Variants in AAK1 observed in about 807,000 individuals in gnomAD.
AAK1 encodes the protein AP2-associated protein kinase 1.
Under a neutral mutation model 116.0 loss-of-function variants are expected in AAK1, and 37 were observed. The ratio of observed to expected loss-of-function variants is 0.32; its 90% CI spans 0.25 to 0.42. The LOEUF is 0.42. Ranked by LOEUF, AAK1 falls within the 10% of genes least tolerant of loss-of-function variation. The pLI is 1.00. For synonymous variants in AAK1, 458 were observed against 439.9 expected, an observed-to-expected ratio of 1.04 and a Z score of -0.51; for missense variants, 919 against 1,170.6, an observed-to-expected ratio of 0.79 and a Z score of 3.14.
Position 69,475,735 on chromosome 2 carries a change from G to T in AAK1, c.*134C>A. On this transcript the variant is annotated 3_prime_UTR_variant, in exon 22 of 22. Transcript: ENST00000409085. ...TTATCATTTCTACAGGAGAAGGCAA[G>T]GGGTAGGAGAAAAGGGCTGGAGGGC... The T allele has an allele frequency of 7.0e-7, 1 of 1,431,184 alleles. No individual in the cohort carries two copies. Among genetic ancestry groups the T allele is most frequent in the Non-Finnish European group, 9.2e-7 (1 of 1,090,364 alleles). The allele number at this position is 1,431,184 out of a possible 1,614,324, so 88.7% of individuals were successfully genotyped here. A position where few individuals can be genotyped will look rare whatever the true frequency, so the allele number is the denominator to read the frequency against.
intron 3 of AAK1, among the ~76,000 whole-genome samples, chr2:69,554,893 T>C (rs1671326935): frequency 6.6e-6 from 1 of 152,218 alleles, no homozygotes; most frequent in South Asian, 2.1e-4. Context: ...ACCTGTGTGA[T>C]TTAACTCTTA....
In AAK1 at chr2:69,626,505, A is replaced by ATT. The variant is rs370781000; in HGVS notation, c.163+16371_163+16372dup. 1.8e-3 allele frequency among the ~76,000 whole-genome samples: 266 copies of ATT among 145,578 alleles called. 2 individuals are homozygous for ATT. The highest frequency in any genetic ancestry group is 6.3e-3 in the African/African-American group (233 of 36,872). ...ATTAAATTAATTAATTATTATTATT[A>ATT]TTATTTTTTTTTGAGACAGGGTCTC... On this transcript the variant is annotated intron_variant, in intron 2 of 21. Transcript: ENST00000409085.
At chr2:69,518,836 C>T (rs1160656362) in intron 12 of AAK1, 118 bp downstream of exon 12, 1 of 1,399,340 alleles carries the variant, frequency 7.1e-7, no homozygotes, top group East Asian at 2.5e-5. Flanking sequence ...GTATCTACAT[C>T]TATGAGAAAC....
intron 2 of AAK1, among the ~76,000 whole-genome samples, chr2:69,640,080 C>CTCTCTCTCT (rs1491472917): frequency 7.8e-6 from 1 of 128,586 alleles, no homozygotes; most frequent in African/African-American, 2.9e-5. Context: ...CTCTCTCTCT[C>CTCTCTCTCT]CCCCCCCACA....
chr2:69,525,209 AAC>A, intron 9 of AAK1, 97 bp from the exon 10 acceptor site: 1 of 1,264,058 alleles, frequency 7.9e-7, no homozygotes. Flanking sequence ...AGCTGATGGA[AAC>A]ACATTTTGGG....
rs1674445254 is a variant in AAK1 at position 69,465,064 on chromosome 2, G to A, written c.*10805C>T. The stretch of plus-strand genomic sequence containing the variant: ...AGGAATTAAAACTAGCAACAATAGG[G>A]CCCCTTTGGGATTGGGGTGAAGAAG... On this transcript the variant is annotated 3_prime_UTR_variant, in exon 22 of 22. Coordinates refer to ENST00000409085, the MANE Select transcript of AAK1 (RefSeq NM_014911.5). The A allele has an allele frequency of 1.1e-5, 2 of 183,136 alleles. No homozygotes were observed. The highest frequency in any genetic ancestry group is 5.5e-5 in the Admixed American group (1 of 18,160). 11.3% of individuals were successfully genotyped at this position (183,136 alleles called of 1,614,324 possible). A position where few individuals can be genotyped will look rare whatever the true frequency, so the allele number is the denominator to read the frequency against.
intron 2 of AAK1, among the ~76,000 whole-genome samples, chr2:69,583,209 C>A (rs1037341231): frequency 6.6e-6 from 1 of 152,234 alleles, no homozygotes. Flanking sequence ...ACATTTGCCA[C>A]ATTTTGGTGA....
chr2:69,491,494 A>G (rs1675521194), intron 17 of AAK1, among the ~76,000 whole-genome samples: 1 of 152,210 alleles, frequency 6.6e-6, no homozygotes, highest in South Asian at 2.1e-4. Context: ...AAACAAACCA[A>G]CGAACCAACC....
At chr2:69,565,661 G>C (rs1671831890) in intron 2 of AAK1, among the ~76,000 whole-genome samples, 1 of 152,268 alleles carries the variant, frequency 6.6e-6, no homozygotes, top group African/African-American at 2.4e-5. Context: ...AAAGGCAAGA[G>C]GGACTGCCCA....
Position 69,471,776 on chromosome 2 carries a change from A to T in AAK1, c.*4093T>A. On this transcript the variant is annotated 3_prime_UTR_variant, in exon 22 of 22. Coordinates refer to ENST00000409085, the MANE Select transcript of AAK1 (RefSeq NM_014911.5). ...ACATCATAGGCTGTCAGCCCCAAAG[A>T]TCCCTTCATTCCCACAGCACTGCTG... The T allele has an allele frequency of 1.0e-6, 1 of 985,430 alleles. No individual in the cohort carries two copies. The highest frequency in any genetic ancestry group is 4.7e-5 in the South Asian group (1 of 21,290). 61.0% of individuals were successfully genotyped at this position (985,430 alleles called of 1,614,324 possible). A position where few individuals can be genotyped will look rare whatever the true frequency, so the allele number is the denominator to read the frequency against.
At chr2:69,601,685 A>AT (rs2105196437) in intron 2 of AAK1, among the ~76,000 whole-genome samples, 1 of 152,046 alleles carries the variant, frequency 6.6e-6, no homozygotes, top group Admixed American at 6.5e-5. Context: ...AAAAAAAAAA[A>AT]TTGGCTTATC....
intron 2 of AAK1, among the ~76,000 whole-genome samples, chr2:69,615,828 T>C (rs1674304378): frequency 6.6e-6 from 1 of 152,258 alleles, no homozygotes; most frequent in Non-Finnish European, 1.5e-5. Context: ...TTGTTCATCA[T>C]AATTTATGCA....
At position 69,518,987 on chromosome 2, in the gene AAK1, C is replaced by A. The variant is rs776796801; in HGVS notation, c.1464G>T (p.Thr488=). 2 of 1,549,314 alleles carry A rather than the reference C, an allele frequency of 1.3e-6. No homozygotes were observed. The highest frequency in any genetic ancestry group is 2.4e-5 in the South Asian group (2 of 83,820). Residue 488 remains threonine, a synonymous_variant, in exon 12 of 22, where the codon ACG becomes ACT. Transcript: ENST00000409085. ...TCTGGGCCTGCTGCTGCTGGTAAAA[C>A]GTGCCTGCCGGCTGCTGCTGTGCTG... is the stretch of plus-strand genomic sequence containing the variant. The part of the protein sequence containing the change: ...PPPAQQQPAG[T]FYQQQQAQTQ...
intron 10 of AAK1, 111 bp downstream of exon 10, chr2:69,524,922 C>G (rs1669952821): frequency 9.6e-7 from 1 of 1,037,900 alleles, no homozygotes; most frequent in Non-Finnish European, 1.4e-6. Flanking sequence ...CTTTCCTGAT[C>G]TGTGCAGCCC....
intron 7 of AAK1, among the ~76,000 whole-genome samples, chr2:69,530,356 A>G (rs890013993): frequency 1.3e-5 from 2 of 152,242 alleles, no homozygotes; most frequent in Non-Finnish European, 2.9e-5. Flanking sequence ...CCAGTAAATA[A>G]TAAGTATTTA....
intron 2 of AAK1, among the ~76,000 whole-genome samples, chr2:69,565,585 C>T (rs1671829004): frequency 6.6e-6 from 1 of 152,228 alleles, no homozygotes; most frequent in Admixed American, 6.5e-5. Flanking sequence ...CGTCCCCTCC[C>T]TGCAGCAGCA....
intron 2 of AAK1, among the ~76,000 whole-genome samples, chr2:69,566,495 T>C (rs1417389239): frequency 6.6e-6 from 1 of 152,144 alleles, no homozygotes; most frequent in African/African-American, 2.4e-5. Context: ...CCACTCAAGC[T>C]GTGGGCACAA....
intron 17 of AAK1, among the ~76,000 whole-genome samples, chr2:69,495,073 G>A (rs915715786): frequency 6.6e-6 from 1 of 152,092 alleles, no homozygotes; most frequent in African/African-American, 2.4e-5. Context: ...GAGTTGGTAG[G>A]GGCAACAATG....
intron 2 of AAK1, among the ~76,000 whole-genome samples, chr2:69,603,089 T>G (rs192534549): frequency 6.6e-5 from 10 of 152,252 alleles, no homozygotes; most frequent in Non-Finnish European, 1.3e-4. Flanking sequence ...TTAAAATAAT[T>G]TATCAGTTAT....
Sources: allele counts gnomAD v4.1 joint callset (sites outside exome capture counted in the v4.1 genomes callset), GRCh38; gene constraint gnomAD v4.1.1; transcripts MANE v1.5; gene names NCBI Gene and HGNC (gene_info 2026-07-23, HGNC 2026-07-21).